The following ELFN2 variants were observed in gnomAD, a reference collection of about 807,000 sequenced individuals.
ELFN2 encodes extracellular leucine rich repeat and fibronectin type III domain containing 2.
A neutral mutation model predicts 45.5 loss-of-function variants in ELFN2; 17 were observed. The observed-to-expected ratio is 0.37, with a 90% CI of 0.26 to 0.56. The LOEUF is 0.56. Ranked by LOEUF, ELFN2 falls within the 20% of genes least tolerant of loss-of-function variation. The probability of loss-of-function intolerance (pLI) is 0.77; values close to 1 mark genes in which losing one functional copy is unlikely to be tolerated. For missense variants in ELFN2, 922 were observed against 1,183.2 expected, an observed-to-expected ratio of 0.78 and a Z score of 3.24; for synonymous variants, 550 against 551.5, an observed-to-expected ratio of 1.00 and a Z score of 0.04.
intron 2 of ELFN2, among the ~76,000 whole-genome samples, chr22:37,381,245 C>T (rs967958458): frequency 6.6e-6 from 1 of 152,176 alleles, no homozygotes; most frequent in Non-Finnish European, 1.5e-5. Flanking sequence ...CTCTCCTCCC[C>T]GGCTTCCCTC....
chr22:37,415,888 G>A lies in ELFN2; in HGVS notation c.-463+1881C>T, dbSNP rs374257605. On this transcript the variant is annotated intron_variant, in intron 2 of 2. Coordinates refer to ENST00000402918, the MANE Select transcript of ELFN2 (RefSeq NM_052906.5). ...TGAAGCAGGAGAATCGCTTGAACCC[G>A]GGAGACGGAGGTTGCAGTGAGCAGA... 2.1e-4 allele frequency among the ~76,000 whole-genome samples: 32 copies of A among 152,296 alleles called. No individual in the cohort carries two copies. The South Asian group carries it at 4.4e-3, about 21-fold the overall frequency.
chr22:37,414,872 A>G (rs1932738912), intron 2 of ELFN2, among the ~76,000 whole-genome samples: 1 of 152,196 alleles, frequency 6.6e-6, no homozygotes, highest in Non-Finnish European at 1.5e-5. Flanking sequence ...GAGGCCACCC[A>G]GGACAGCCCT....
chr22:37,343,326 G>A (rs970696680), intron 1 of ELFN2, among the ~76,000 whole-genome samples: 5 of 152,072 alleles, frequency 3.3e-5, no homozygotes, highest in Admixed American at 6.5e-5. Context: ...GGCTCCGAAT[G>A]GGTGGCTTTG....
At chr22:37,391,045 C>T (rs1932073898) in intron 2 of ELFN2, among the ~76,000 whole-genome samples, 1 of 152,312 alleles carries the variant, frequency 6.6e-6, no homozygotes. Context: ...TCATTCATTC[C>T]CTCTCTCTCC....
intron 2 of ELFN2, among the ~76,000 whole-genome samples, chr22:37,407,281 G>A (rs1323053390): frequency 2.6e-5 from 4 of 152,164 alleles, no homozygotes; most frequent in South Asian, 2.1e-4. Context: ...CAAGCGAGCT[G>A]GAGGGCACGA....
Position 37,375,851 on chromosome 22 carries a change from T to A in ELFN2, c.-317A>T, listed in dbSNP as rs1246898701. ...GACTTCCTCTCCCTCCTCCTCCTCC[T>A]CCTCCTCCTCCTCCTCCTCGTCTTC... On this transcript the variant is annotated 5_prime_UTR_variant, in exon 3 of 3. Transcript: ENST00000402918. 2.4e-6 allele frequency: 1 copy of A among 412,840 alleles called. No individual in the cohort carries two copies. The highest frequency in any genetic ancestry group is 2.1e-5 in the African/African-American group (1 of 46,704). 25.6% of individuals were successfully genotyped at this position (412,840 alleles called of 1,614,324 possible). A position where few individuals can be genotyped will look rare whatever the true frequency, so the allele number is the denominator to read the frequency against.
chr22:37,375,836 CCCTCCTCCT>C lies in ELFN2; in HGVS notation c.-311_-303del, dbSNP rs142158248. The C allele has an allele frequency of 5.1e-4, 177 of 345,876 alleles. No individual in the cohort carries two copies. The highest frequency in any genetic ancestry group is 3.1e-3 in the African/African-American group (136 of 44,266). 21.4% of individuals were successfully genotyped at this position (345,876 alleles called of 1,614,324 possible). A position where few individuals can be genotyped will look rare whatever the true frequency, so the allele number is the denominator to read the frequency against. On this transcript the variant is annotated 5_prime_UTR_variant, in exon 3 of 3. Transcript: ENST00000402918. The stretch of plus-strand genomic sequence containing the variant: ...GGGTTCTCAGGGCTTGACTTCCTCT[CCCTCCTCCT>C]CCTCCTCCTCCTCCTCCTCCTCCTC...
At chr22:37,354,583 A>T (rs893764394) in intron 1 of ELFN2, 2 of 152,262 alleles carry the variant, frequency 1.3e-5, no homozygotes, top group African/African-American at 4.8e-5. Flanking sequence ...TAACAACCCC[A>T]GACATTGCCA....
chr22:37,387,957 C>A (rs994346669), intron 2 of ELFN2, among the ~76,000 whole-genome samples: 2 of 151,906 alleles, frequency 1.3e-5, no homozygotes, highest in African/African-American at 4.8e-5. Flanking sequence ...CGGCCCCTTC[C>A]CCCTCCTCCC....
At chr22:37,405,574 A>G (rs1932478818) in intron 2 of ELFN2, among the ~76,000 whole-genome samples, 1 of 151,992 alleles carries the variant, frequency 6.6e-6, no homozygotes, top group South Asian at 2.1e-4. Context: ...CCTCCCAGTG[A>G]CCCAAGAAGG....
intron 2 of ELFN2, among the ~76,000 whole-genome samples, chr22:37,400,149 G>A (rs1168944326): frequency 2.0e-5 from 3 of 152,152 alleles, no homozygotes; most frequent in African/African-American, 7.2e-5. Flanking sequence ...GAAAGGCGGG[G>A]TTATTATCCT....
At chr22:37,355,807 A>C (rs4821641) in intron 1 of ELFN2, among the ~76,000 whole-genome samples, 6 of 151,928 alleles carry the variant, frequency 3.9e-5, no homozygotes, top group Admixed American at 1.3e-4. Flanking sequence ...GTCCAGTCCC[A>C]TATCCACAGC....
chr22:37,408,670 A>G (rs1932569908), intron 2 of ELFN2, among the ~76,000 whole-genome samples: 1 of 152,204 alleles, frequency 6.6e-6, no homozygotes, highest in Non-Finnish European at 1.5e-5. Flanking sequence ...CCTTCCAGGG[A>G]TTGCCAAGGG....
intron 2 of ELFN2, among the ~76,000 whole-genome samples, chr22:37,386,602 C>T (rs1463617187): frequency 6.6e-6 from 1 of 152,226 alleles, no homozygotes; most frequent in Non-Finnish European, 1.5e-5. Context: ...CCCACACTGA[C>T]GGCCGCCTCT....
At chr22:37,411,165 T>A (rs1476546607) in intron 2 of ELFN2, among the ~76,000 whole-genome samples, 2 of 152,106 alleles carry the variant, frequency 1.3e-5, no homozygotes, top group Non-Finnish European at 2.9e-5. Context: ...GGGCAACTTG[T>A]CATGGGTAGA....
At chr22:37,391,239 CAG>C (rs1932079271) in intron 2 of ELFN2, among the ~76,000 whole-genome samples, 1 of 152,198 alleles carries the variant, frequency 6.6e-6, no homozygotes, top group South Asian at 2.1e-4. Flanking sequence ...GGTCGCATGA[CAG>C]GGACACTGGT....
intron 1 of ELFN2, among the ~76,000 whole-genome samples, chr22:37,359,694 G>C (rs905296224): frequency 6.6e-6 from 1 of 152,214 alleles, no homozygotes; most frequent in African/African-American, 2.4e-5. Context: ...CCAAGGCCCA[G>C]TACTGCCTGA....
chr22:37,407,839 A>G (rs969680511), intron 2 of ELFN2, among the ~76,000 whole-genome samples: 3 of 151,804 alleles, frequency 2.0e-5, no homozygotes, highest in African/African-American at 7.3e-5. Context: ...AGCTTGCAGT[A>G]AGCCGAGATC....
intron 2 of ELFN2, among the ~76,000 whole-genome samples, chr22:37,398,865 T>C (rs1932286798): frequency 6.6e-6 from 1 of 152,014 alleles, no homozygotes; most frequent in Admixed American, 6.6e-5. Context: ...CACTCCTGCC[T>C]TACCCACCTT....
Sources: allele counts gnomAD v4.1 joint callset (sites outside exome capture counted in the v4.1 genomes callset), GRCh38; gene constraint gnomAD v4.1.1; transcripts MANE v1.5; gene names NCBI Gene and HGNC (gene_info 2026-07-23, HGNC 2026-07-21).